Variants in LHFPL2 observed in about 807,000 individuals in gnomAD.
The protein encoded by LHFPL2 is LHFPL tetraspan subfamily member 2 protein.
Under a neutral mutation model 17.5 loss-of-function variants are expected in LHFPL2, and 7 were observed. The ratio of observed to expected loss-of-function variants is 0.40; its 90% CI spans 0.23 to 0.75. The LOEUF is 0.75. Ranked by LOEUF, LHFPL2 falls within the 30% of genes least tolerant of loss-of-function variation. The probability of loss-of-function intolerance (pLI) is 0.37; values close to 1 mark genes in which losing one functional copy is unlikely to be tolerated. For synonymous variants in LHFPL2, 134 were observed against 116.2 expected (o/e 1.15, Z -0.99); for missense variants, 241 against 294.8 (o/e 0.82, Z 1.34).
At chr5:78,615,391 T>C (rs1020426576) in intron 2 of LHFPL2, among the ~76,000 whole-genome samples, 1 of 152,154 alleles carries the variant, frequency 6.6e-6, no homozygotes, top group Admixed American at 6.5e-5. Flanking sequence ...GCATAACATA[T>C]TTCTTCCCTC....
At chr5:78,513,287 A>G (rs765177678) in intron 3 of LHFPL2, among the ~76,000 whole-genome samples, 1 of 152,214 alleles carries the variant, frequency 6.6e-6, no homozygotes, top group South Asian at 2.1e-4. Flanking sequence ...ATGCCTGAGA[A>G]CAATTTGAAG....
chr5:78,579,287 G>A (rs1388538157), intron 2 of LHFPL2, among the ~76,000 whole-genome samples: 5 of 151,914 alleles, frequency 3.3e-5, no homozygotes, highest in Non-Finnish European at 5.9e-5. Context: ...TTCTGTTACT[G>A]CTAAGATTCT....
At position 78,601,356 on chromosome 5, in the gene LHFPL2, A is replaced by G. The variant is rs557094983; in HGVS notation, c.-245+30908T>C. Among the ~76,000 whole-genome samples, 74 of 152,318 alleles carry G rather than the reference A, an allele frequency of 4.9e-4. No individual in the cohort carries two copies. The Middle Eastern group carries it at 0.02, about 42-fold the overall frequency. On this transcript the variant is annotated intron_variant, in intron 2 of 4. Transcript: ENST00000380345. Reference sequence around the variant, plus strand: ...TCACAGTTGAGAAGGCAGGTCCCAGAGCAGACAGTACCAAGAATGTACAGA... The same window carrying G: ...TCACAGTTGAGAAGGCAGGTCCCAGGGCAGACAGTACCAAGAATGTACAGA...
chr5:78,537,678 T>C (rs1561328338), intron 3 of LHFPL2, among the ~76,000 whole-genome samples: 1 of 152,216 alleles, frequency 6.6e-6, no homozygotes, highest in Non-Finnish European at 1.5e-5. Context: ...AACACTAACA[T>C]GTGCAAGACA....
intron 2 of LHFPL2, among the ~76,000 whole-genome samples, chr5:78,593,737 T>TCCTTG (rs1288661946): frequency 1.2e-4 from 18 of 152,106 alleles, no homozygotes; most frequent in African/African-American, 4.3e-4. Flanking sequence ...CAAGTGTGTG[T>TCCTTG]GGAAGAACCT....
rs139203099 is a variant in LHFPL2 at position 78,526,641 on chromosome 5, T to C, written c.-185-16243A>G. 2.6e-5 allele frequency among the ~76,000 whole-genome samples: 4 copies of C among 152,328 alleles called. No homozygotes were observed. The East Asian group carries it at 7.7e-4, about 29-fold the overall frequency. On this transcript the variant is annotated intron_variant, in intron 3 of 4. Coordinates refer to ENST00000380345, the MANE Select transcript of LHFPL2 (RefSeq NM_005779.3). ...GTGCTTAAGGCTGCACACTTTAACA[T>C]TCAACAATGTGCCCCAACCATCTGT... is the stretch of plus-strand genomic sequence containing the variant.
rs34696428 is a variant in LHFPL2 at position 78,512,767 on chromosome 5, C to CTTTTT, written c.-185-2374_-185-2370dup. On this transcript the variant is annotated intron_variant, in intron 3 of 4. Transcript: ENST00000380345. Reference sequence around the variant, plus strand: ...CTCTGTTAAATGTAATTTTTCTTTTCTTTTTTTTTTTTTTTTAGATGGGGT... The same window carrying CTTTTT: ...CTCTGTTAAATGTAATTTTTCTTTTCTTTTTTTTTTTTTTTTTTTTTAGATGGGGT... 1.9e-3 allele frequency among the ~76,000 whole-genome samples: 266 copies of CTTTTT among 137,810 alleles called. 4 individuals are homozygous for CTTTTT. Among genetic ancestry groups the CTTTTT allele is most frequent in the Admixed American group, 0.018 (248 of 13,726 alleles). 90.4% of individuals were successfully genotyped at this position (137,810 alleles called of 152,430 possible).
chr5:78,526,963 T>C (rs1051568961), intron 3 of LHFPL2, among the ~76,000 whole-genome samples: 1 of 152,162 alleles, frequency 6.6e-6, no homozygotes, highest in East Asian at 1.9e-4. Flanking sequence ...AAGGACCCAA[T>C]AGGTAGTTGA....
intron 2 of LHFPL2, among the ~76,000 whole-genome samples, chr5:78,603,658 T>C (rs1480666449): frequency 6.6e-6 from 1 of 151,966 alleles, no homozygotes; most frequent in Non-Finnish European, 1.5e-5. Context: ...GATGAGAGGA[T>C]GGCTTGAGCC....
intron 3 of LHFPL2, among the ~76,000 whole-genome samples, chr5:78,556,739 A>G (rs1056272020): frequency 7.2e-5 from 11 of 152,214 alleles, no homozygotes; most frequent in African/African-American, 2.4e-4. Context: ...TATAATATTA[A>G]ACAAAAAAGT....
chr5:78,601,091 AAAGATCAAGT>A (rs1743996225), intron 2 of LHFPL2, among the ~76,000 whole-genome samples: 1 of 152,210 alleles, frequency 6.6e-6, no homozygotes, highest in Non-Finnish European at 1.5e-5. Flanking sequence ...CTCAAGTCCA[AAAGATCAAGT>A]AACAACAGGC....
At position 78,618,538 on chromosome 5, in the gene LHFPL2, C is replaced by T. The variant is rs183237475; in HGVS notation, c.-245+13726G>A. On this transcript the variant is annotated intron_variant, in intron 2 of 4. Coordinates refer to ENST00000380345, the MANE Select transcript of LHFPL2 (RefSeq NM_005779.3). ...CATCCACTGAAGCGCCCAGATATGG[C>T]CTCTCCTGCCATGATGGCCTTAGGG... Among the ~76,000 whole-genome samples the T allele has an allele frequency of 5.3e-5, 8 of 152,320 alleles. No individual in the cohort carries two copies. The East Asian group carries it at 1.2e-3, about 22-fold the overall frequency.
intron 2 of LHFPL2, among the ~76,000 whole-genome samples, chr5:78,631,963 A>G (rs6870752): frequency 0.013 from 1,954 of 151,998 alleles, 50 homozygotes; most frequent in African/African-American, 0.045. Flanking sequence ...AAAAAGAAAA[A>G]AAGAAATTTG....
intron 2 of LHFPL2, among the ~76,000 whole-genome samples, chr5:78,580,076 G>A (rs1580826093): frequency 6.6e-6 from 1 of 152,296 alleles, no homozygotes; most frequent in African/African-American, 2.4e-5. Flanking sequence ...TTGTGGTTTT[G>A]ATTTGCATTT....
chr5:78,581,166 A>G (rs1324821882), intron 2 of LHFPL2, among the ~76,000 whole-genome samples: 1 of 152,180 alleles, frequency 6.6e-6, no homozygotes, highest in Non-Finnish European at 1.5e-5. Flanking sequence ...GTTGGTGTAT[A>G]AGAATGCTTG....
intron 3 of LHFPL2, among the ~76,000 whole-genome samples, chr5:78,552,315 A>G (rs13154013): frequency 0.39 from 58,808 of 151,750 alleles, 11,833 homozygotes; most frequent in Middle Eastern, 0.49. Context: ...GTGTATTTTT[A>G]GTAGAGACAG....
intron 2 of LHFPL2, among the ~76,000 whole-genome samples, chr5:78,570,637 T>A (rs1405899828): frequency 1.4e-5 from 2 of 146,022 alleles, no homozygotes; most frequent in Non-Finnish European, 3.0e-5. Context: ...ATATATAGTA[T>A]ATATATATAT....
At chr5:78,600,953 G>A (rs1358900556) in intron 2 of LHFPL2, among the ~76,000 whole-genome samples, 7 of 152,118 alleles carry the variant, frequency 4.6e-5, no homozygotes, top group Non-Finnish European at 1.0e-4. Context: ...TTAAAAAAAA[G>A]TTAACTGAAA....
intron 3 of LHFPL2, among the ~76,000 whole-genome samples, chr5:78,535,336 A>AC (rs570919249): frequency 6.6e-6 from 1 of 151,128 alleles, no homozygotes; most frequent in African/African-American, 2.4e-5. Flanking sequence ...TGACAGACAG[A>AC]CCCCCCTCAG....
Sources: allele counts gnomAD v4.1 joint callset (sites outside exome capture counted in the v4.1 genomes callset), GRCh38; gene constraint gnomAD v4.1.1; transcripts MANE v1.5; gene names NCBI Gene and HGNC (gene_info 2026-07-23, HGNC 2026-07-21).